RGS12: variants seen among roughly 807,000 people sequenced by gnomAD.
RGS12 encodes regulator of G-protein signaling 12.
RGS12 carries 66 observed loss-of-function variants against 120.1 expected under a neutral mutation model. The ratio of observed to expected loss-of-function variants is 0.55; its 90% CI spans 0.45 to 0.67. The LOEUF (loss-of-function observed/expected upper bound fraction) is 0.67, where lower values mean the gene tolerates loss of function less well. RGS12 is among the 30% of genes least tolerant of loss of function. The probability of loss-of-function intolerance (pLI) is 0.00; values close to 1 mark genes in which losing one functional copy is unlikely to be tolerated. For synonymous variants in RGS12, 827 were observed against 804.7 expected, an observed-to-expected ratio of 1.03 and a Z score of -0.47; for missense variants, 1,859 against 1,957.7, an observed-to-expected ratio of 0.95 and a Z score of 0.95.
the RGS12 span, among the ~76,000 whole-genome samples, chr4:3,287,807 C>T: frequency 7.2e-5 from 11 of 152,210 alleles, no homozygotes; most frequent in African/African-American, 2.2e-4. Flanking sequence ...AAGGTAGTCC[C>T]GGGACAGAGC....
At chr4:3,429,632 G>A (rs980477358) in intron 16 of RGS12, among the ~76,000 whole-genome samples, 1 of 152,214 alleles carries the variant, frequency 6.6e-6, no homozygotes, top group Non-Finnish European at 1.5e-5. Flanking sequence ...GGTGGCCTTG[G>A]GGCCTGCTAC....
intron 3 of RGS12, among the ~76,000 whole-genome samples, chr4:3,350,219 A>G (rs1234159412): frequency 1.3e-5 from 2 of 152,242 alleles, no homozygotes; most frequent in African/African-American, 4.8e-5. Flanking sequence ...AATAAAGATA[A>G]TTGTGTCTTT....
At chr4:3,309,439 A>G (rs1724190201) in intron 1 of RGS12, among the ~76,000 whole-genome samples, 1 of 127,172 alleles carries the variant, frequency 7.9e-6, no homozygotes, top group Non-Finnish European at 1.6e-5. Flanking sequence ...GCAGGGGAGG[A>G]GCTGGGACCC....
chr4:3,340,086 G>T (rs539017261), intron 2 of RGS12, among the ~76,000 whole-genome samples: 10 of 152,250 alleles, frequency 6.6e-5, no homozygotes, highest in Non-Finnish European at 1.2e-4. Context: ...ACACACGTCT[G>T]CATGCCGTAC....
intron 2 of RGS12, among the ~76,000 whole-genome samples, chr4:3,318,692 G>A (rs1443951893): frequency 1.3e-5 from 2 of 152,230 alleles, no homozygotes; most frequent in South Asian, 2.1e-4. Context: ...GTTTGGAGCA[G>A]GAAAGAGTAA....
chr4:3,342,882 G>A, intron 2 of RGS12, 55 bp from the exon 3 acceptor site: 1 of 1,202,096 alleles, frequency 8.3e-7, no homozygotes, highest in Middle Eastern at 1.9e-4. Flanking sequence ...CATTGGACAA[G>A]ACTAAACATC....
intron 3 of RGS12, among the ~76,000 whole-genome samples, chr4:3,345,413 G>C (rs1167684754): frequency 2.6e-5 from 4 of 152,132 alleles, no homozygotes; most frequent in Non-Finnish European, 5.9e-5. Context: ...TTTTAATTGA[G>C]ATCTTTCTCC....
At chr4:3,290,928 G>C (rs1360360759), upstream of RGS12, among the ~76,000 whole-genome samples, 2 of 152,252 alleles carry the variant, frequency 1.3e-5, no homozygotes, top group Non-Finnish European at 2.9e-5. Context: ...CTCCGTCTCA[G>C]GCAATTTCTC....
At chr4:3,412,975 C>T (rs1428469647) in intron 4 of RGS12, 1 of 151,614 alleles carries the variant, frequency 6.6e-6, no homozygotes, top group African/African-American at 2.4e-5. Context: ...CTGCTCACGT[C>T]AGGAGGGACG....
intron 17 of RGS12, among the ~76,000 whole-genome samples, chr4:3,438,221 C>T (rs1724997193): frequency 6.6e-6 from 1 of 152,150 alleles, no homozygotes; most frequent in Non-Finnish European, 1.5e-5. Flanking sequence ...TCCACCCTGG[C>T]ATGGACATGA....
intron 10 of RGS12, among the ~76,000 whole-genome samples, chr4:3,422,121 C>G (rs996480546): frequency 1.4e-4 from 22 of 152,186 alleles, no homozygotes; most frequent in African/African-American, 5.3e-4. Context: ...GATGTGCCTT[C>G]TGAGCACGAT....
chr4:3,339,518 A>G lies in RGS12; in HGVS notation c.1882-3419A>G, dbSNP rs959284356. 3.9e-5 allele frequency among the ~76,000 whole-genome samples: 6 copies of G among 152,288 alleles called. 1 individual carries two copies. The South Asian group carries it at 8.3e-4, about 21-fold the overall frequency. On this transcript the variant is annotated intron_variant, in intron 2 of 17. Coordinates refer to ENST00000336727, the MANE Select transcript of RGS12 (RefSeq NM_001394154.1). ...AAATTAAACTCTCTTATCACTGTCC[A>G]TCTAAATAACAGAGAGAGGCTCTCT...
At chr4:3,356,170 C>T (rs564181982) in intron 3 of RGS12, among the ~76,000 whole-genome samples, 58 of 151,260 alleles carry the variant, frequency 3.8e-4, no homozygotes, top group Middle Eastern at 6.8e-3. Context: ...CCTTTGGCCT[C>T]AGCCCCCTCA....
rs570008602 is a variant in RGS12, at chr4:3,384,736, G to A, written c.1999-1680G>A. 1.1e-3 allele frequency among the ~76,000 whole-genome samples: 165 copies of A among 152,340 alleles called. 3 individuals are homozygous for A. Among genetic ancestry groups the A allele is most frequent in the South Asian group, 1.9e-3 (9 of 4,826 alleles). On this transcript the variant is annotated intron_variant, in intron 3 of 17. Transcript: ENST00000336727. ...AGTGGGTTGGGGGGCAGGACCCTCC[G>A]AAGCTGGCCCCAGGTGGTCTCACAC...
chr4:3,422,247 A>C lies in RGS12; in HGVS notation c.2839-129A>C, dbSNP rs1383677489. 5.0e-6 allele frequency: 4 copies of C among 797,290 alleles called. No individual in the cohort carries two copies. The East Asian group carries it at 1.1e-4, about 21-fold the overall frequency. The allele number at this position is 797,290 out of a possible 1,614,324, so 49.4% of individuals were successfully genotyped here. On this transcript the variant is annotated intron_variant, in intron 10 of 17. Transcript: ENST00000336727. ...GAGATGTGTGCACCTGGGGAGCTGC[A>C]GGTGGGACCGTGGCAGGGCGCCAGC...
At chr4:3,439,325 TG>T in intron 17 of RGS12, 129 bp from the exon 18 acceptor site, 2 of 922,360 alleles carry the variant, frequency 2.2e-6, no homozygotes, top group Non-Finnish European at 3.5e-6. Flanking sequence ...CAGCTGCCTC[TG>T]GGATGTGTTT....
chr4:3,411,664 A>G (rs1721746536), intron 4 of RGS12, among the ~76,000 whole-genome samples: 1 of 152,264 alleles, frequency 6.6e-6, no homozygotes, highest in Middle Eastern at 3.2e-3. Context: ...ACAAAGAGTC[A>G]GCCCACTCCA....
At position 3,389,757 on chromosome 4, in the gene RGS12, G is replaced by A. The variant is rs559629250; in HGVS notation, c.2020+3320G>A. Among the ~76,000 whole-genome samples the A allele has an allele frequency of 7.2e-5, 11 of 152,300 alleles. No homozygotes were observed. The highest frequency in any genetic ancestry group is 2.4e-4 in the African/African-American group (10 of 41,558). Reference sequence around the variant, plus strand: ...CGGCGTCTGTGCCAGCAGGAAAGCCGGGGAACTGTGCGGCTCTGGCTTTGG... The same window carrying A: ...CGGCGTCTGTGCCAGCAGGAAAGCCAGGGAACTGTGCGGCTCTGGCTTTGG... On this transcript the variant is annotated intron_variant, in intron 4 of 17. Coordinates refer to ENST00000336727, the MANE Select transcript of RGS12 (RefSeq NM_001394154.1). The surrounding 1 kb of genome is among the most constrained non-coding windows in gnomAD (Gnocchi z 5.2).
rs3138719 is a variant in RGS12 at position 3,379,005 on chromosome 4, ATGTGTGTGTGTG to A, written c.1999-7381_1999-7370del. Among the ~76,000 whole-genome samples, 404 of 146,496 alleles carry A rather than the reference ATGTGTGTGTGTG, an allele frequency of 2.8e-3. 6 individuals are homozygous for A. Among genetic ancestry groups the A allele is most frequent in the Middle Eastern group, 0.018 (5 of 284 alleles). On this transcript the variant is annotated intron_variant, in intron 3 of 17. Coordinates refer to ENST00000336727, the MANE Select transcript of RGS12 (RefSeq NM_001394154.1). ...ACCTAAGGGATAAAGGAAATGTGCG[ATGTGTGTGTGTG>A]TGTGTGTGTGTGTGTGTGTGTGTGT...
Sources: allele counts gnomAD v4.1 joint callset (sites outside exome capture counted in the v4.1 genomes callset), GRCh38; gene constraint gnomAD v4.1.1; non-coding constraint Gnocchi (gnomAD v3.1); transcripts MANE v1.5; gene names NCBI Gene and HGNC (gene_info 2026-07-23, HGNC 2026-07-21).